Variants in PITPNC1 observed in about 807,000 individuals in gnomAD.
PITPNC1 encodes phosphatidylinositol transfer protein cytoplasmic 1.
Under a neutral mutation model 44.7 loss-of-function variants are expected in PITPNC1, and 18 were observed. The observed-to-expected ratio is 0.40, with a 90% CI of 0.28 to 0.60. The LOEUF is 0.60. Among genes scored for constraint, PITPNC1 ranks in the 20% least tolerant of loss-of-function variants. The pLI is 0.39. For synonymous variants in PITPNC1, 141 were observed against 149.6 expected, an observed-to-expected ratio of 0.94 and a Z score of 0.42; for missense variants, 290 against 418.4, an observed-to-expected ratio of 0.69 and a Z score of 2.68.
chr17:67,426,985 A>C (rs1248798193), intron 1 of PITPNC1, among the ~76,000 whole-genome samples: 2 of 152,150 alleles, frequency 1.3e-5, no homozygotes, highest in East Asian at 1.9e-4. Flanking sequence ...GCTTACATGC[A>C]CCTCTCCTTT....
intron 1 of PITPNC1, among the ~76,000 whole-genome samples, chr17:67,501,136 C>T (rs1391026938): frequency 6.6e-6 from 1 of 152,162 alleles, no homozygotes; most frequent in Non-Finnish European, 1.5e-5. Context: ...GTGCTAATGT[C>T]ATATTATTAC....
In PITPNC1 at chr17:67,399,139, C is replaced by A. The variant is rs201770993; in HGVS notation, c.48+20937C>A. Among the ~76,000 whole-genome samples, 14 of 151,794 alleles carry A rather than the reference C, an allele frequency of 9.2e-5. No homozygotes were observed. The South Asian group carries it at 2.9e-3, about 32-fold the overall frequency. ...AAGCGATTCTCCTGCCTCAGCCTCC[C>A]GAGTAGCTGGGATTACAGGCACATG... On this transcript the variant is annotated intron_variant, in intron 1 of 8. Coordinates refer to ENST00000581322, the MANE Select transcript of PITPNC1 (RefSeq NM_012417.4).
intron 1 of PITPNC1, among the ~76,000 whole-genome samples, chr17:67,461,097 G>A (rs954122467): frequency 4.0e-5 from 6 of 151,886 alleles, no homozygotes; most frequent in Non-Finnish European, 5.9e-5. Flanking sequence ...CTTCCTACCC[G>A]GTACTCCTTT....
chr17:67,414,253 T>G (rs761606730), intron 1 of PITPNC1, among the ~76,000 whole-genome samples: 4 of 152,172 alleles, frequency 2.6e-5, no homozygotes, highest in Non-Finnish European at 4.4e-5. Flanking sequence ...AAAGCAACTG[T>G]GCCTGCTTTG....
intron 1 of PITPNC1, among the ~76,000 whole-genome samples, chr17:67,526,333 A>G (rs1221202976): frequency 6.6e-6 from 1 of 152,238 alleles, no homozygotes; most frequent in Non-Finnish European, 1.5e-5. Flanking sequence ...GTATTTCTTC[A>G]GGCATGGATG....
At chr17:67,573,415 G>A (rs2041089838) in intron 4 of PITPNC1, among the ~76,000 whole-genome samples, 2 of 152,082 alleles carry the variant, frequency 1.3e-5, no homozygotes, top group South Asian at 4.1e-4. Flanking sequence ...TGCTGCTCAG[G>A]ATGGAGGAGT....
At chr17:67,515,184 G>T (rs1448888279) in intron 1 of PITPNC1, among the ~76,000 whole-genome samples, 1 of 152,166 alleles carries the variant, frequency 6.6e-6, no homozygotes, top group South Asian at 2.1e-4. Flanking sequence ...TTTACAATAT[G>T]TCAGTATGCA....
At chr17:67,646,787 C>G (rs1282250826) in intron 6 of PITPNC1, among the ~76,000 whole-genome samples, 3 of 152,152 alleles carry the variant, frequency 2.0e-5, no homozygotes, top group Non-Finnish European at 2.9e-5. Flanking sequence ...GCCTCAGCCT[C>G]CCAAAGTGCT....
chr17:67,379,144 G>T (rs1442842191), intron 1 of PITPNC1: 2 of 985,840 alleles, frequency 2.0e-6, no homozygotes, highest in East Asian at 1.1e-4. Flanking sequence ...CAGGGACAGC[G>T]AGGGAGCCCA....
chr17:67,661,070 C>A (rs1433765079), intron 6 of PITPNC1, among the ~76,000 whole-genome samples: 1 of 131,252 alleles, frequency 7.6e-6, no homozygotes, highest in African/African-American at 2.9e-5. Context: ...TGGGGTTTTA[C>A]TATGTTGGCC....
Position 67,394,371 on chromosome 17 carries a change from AG to A in PITPNC1, c.48+16170del, listed in dbSNP as rs150394654. Among the ~76,000 whole-genome samples, 66 of 152,278 alleles carry A rather than the reference AG, an allele frequency of 4.3e-4. No individual in the cohort carries two copies. In the East Asian group the frequency reaches 0.012, roughly 27 times the overall value. The stretch of plus-strand genomic sequence containing the variant: ...TGTAAATGTGTAATGTTTTGGTAAC[AG>A]TAAGGGTTAAATAAACACCTTTTCT... On this transcript the variant is annotated intron_variant, in intron 1 of 8. Transcript: ENST00000581322.
intron 5 of PITPNC1, among the ~76,000 whole-genome samples, chr17:67,614,008 C>T (rs1470288098): frequency 2.7e-5 from 4 of 149,510 alleles, no homozygotes; most frequent in East Asian, 2.0e-4. Context: ...ATCACCTGAG[C>T]CTAGGGAGGT....
At chr17:67,687,519 A>G (rs752410200) in intron 8 of PITPNC1, among the ~76,000 whole-genome samples, 13 of 152,252 alleles carry the variant, frequency 8.5e-5, no homozygotes, top group Non-Finnish European at 1.5e-4. Flanking sequence ...AACTAGAATA[A>G]CATGTCAGTA....
intron 7 of PITPNC1, among the ~76,000 whole-genome samples, chr17:67,670,732 CAG>C (rs953958819): frequency 7.3e-5 from 8 of 109,468 alleles, no homozygotes; most frequent in Admixed American, 2.6e-4. Flanking sequence ...GCCTGGGTGA[CAG>C]AGCAAGACTC....
At position 67,520,934 on chromosome 17, in the gene PITPNC1, A is replaced by C. The variant is rs560357543; in HGVS notation, c.49-11868A>C. Among the ~76,000 whole-genome samples the C allele has an allele frequency of 2.6e-5, 4 of 152,346 alleles. No individual in the cohort carries two copies. In the South Asian group the frequency reaches 8.3e-4, roughly 32 times the overall value. On this transcript the variant is annotated intron_variant, in intron 1 of 8. Transcript: ENST00000581322. ...TGTTATCATCTCGGCTTTTCAATTT[A>C]TGAGTCAAGTGAATTCTCGGGGCTA...
chr17:67,582,620 TCTTC>T (rs2041250764), intron 5 of PITPNC1, among the ~76,000 whole-genome samples: 1 of 151,988 alleles, frequency 6.6e-6, no homozygotes, highest in Non-Finnish European at 1.5e-5. Context: ...TGAGTAAATA[TCTTC>T]CTTGTTAAAA....
At chr17:67,487,219 G>C (rs2039792407) in intron 1 of PITPNC1, among the ~76,000 whole-genome samples, 1 of 152,118 alleles carries the variant, frequency 6.6e-6, no homozygotes, top group Non-Finnish European at 1.5e-5. Context: ...TTGTCACCCA[G>C]GCGGAAGTGT....
chr17:67,444,785 T>G lies in PITPNC1; in HGVS notation c.48+66583T>G, dbSNP rs539299355. On this transcript the variant is annotated intron_variant, in intron 1 of 8. Coordinates refer to ENST00000581322, the MANE Select transcript of PITPNC1 (RefSeq NM_012417.4). The stretch of plus-strand genomic sequence containing the variant: ...GGTGGCATGTGCCTGTAATCCCAGC[T>G]ACTCGGGAGGCTGAGGCAGGAGAAT... 3.9e-5 allele frequency among the ~76,000 whole-genome samples: 6 copies of G among 152,054 alleles called. No homozygotes were observed. The South Asian group carries it at 1.2e-3, about 32-fold the overall frequency.
chr17:67,538,712 A>G (rs2040563688), intron 2 of PITPNC1, among the ~76,000 whole-genome samples: 1 of 152,166 alleles, frequency 6.6e-6, no homozygotes, highest in Non-Finnish European at 1.5e-5. Context: ...GTAGACTAGA[A>G]CTAATTAAAT....
Sources: gnomAD v4.1 joint callset for allele counts (sites outside exome capture counted in the v4.1 genomes callset) on GRCh38, gnomAD v4.1.1 for gene constraint, MANE v1.5 for transcripts, NCBI Gene and HGNC (gene_info 2026-07-23, HGNC 2026-07-21) for gene names.